DCC: variants seen among roughly 807,000 people sequenced by gnomAD.
DCC encodes netrin receptor DCC.
Under a neutral mutation model 172.5 loss-of-function variants are expected in DCC, and 58 were observed. That is an observed-to-expected ratio of 0.34 (90% CI 0.27 to 0.42). The LOEUF (loss-of-function observed/expected upper bound fraction) is 0.42, where lower values mean the gene tolerates loss of function less well. DCC is among the 10% of genes least tolerant of loss of function. DCC has a pLI of 1.00. For missense variants in DCC, 1,740 were observed against 1,791.0 expected, an observed-to-expected ratio of 0.97 and a Z score of 0.51; for synonymous variants, 709 against 644.5, an observed-to-expected ratio of 1.10 and a Z score of -1.52.
At chr18:53,349,384 G>A (rs1425160303) in intron 15 of DCC, among the ~76,000 whole-genome samples, 1 of 152,192 alleles carries the variant, frequency 6.6e-6, no homozygotes, top group Non-Finnish European at 1.5e-5. Flanking sequence ...TCTCTAGGAA[G>A]TTCCAAACGT....
At chr18:52,862,771 G>T (rs138152762) in intron 2 of DCC, among the ~76,000 whole-genome samples, 27 of 152,160 alleles carry the variant, frequency 1.8e-4, no homozygotes, top group Non-Finnish European at 2.8e-4. Flanking sequence ...ACAGAGAGGA[G>T]AATCAGGTTT....
chr18:53,454,369 TAA>T (rs1232591790), intron 23 of DCC, among the ~76,000 whole-genome samples: 1 of 152,076 alleles, frequency 6.6e-6, no homozygotes, highest in African/African-American at 2.4e-5. Context: ...AAACAAAACT[TAA>T]GTTGATTTTT....
intron 27 of DCC, among the ~76,000 whole-genome samples, chr18:53,520,590 A>T (rs1461063871): frequency 6.6e-6 from 1 of 152,020 alleles, no homozygotes; most frequent in Non-Finnish European, 1.5e-5. Context: ...TTAAGGAAAA[A>T]GCACTGCTTG....
chr18:52,422,628 C>T (rs1987286709), intron 1 of DCC, among the ~76,000 whole-genome samples: 1 of 152,118 alleles, frequency 6.6e-6, no homozygotes, highest in South Asian at 2.1e-4. Context: ...TAATATTTCT[C>T]ACATTCATTC....
At position 52,470,476 on chromosome 18, in the gene DCC, G is replaced by A. The variant is rs1476659336; in HGVS notation, c.91+129598G>A. On this transcript the variant is annotated intron_variant, in intron 1 of 28. Coordinates refer to ENST00000442544, the MANE Select transcript of DCC (RefSeq NM_005215.4). ...TCAGATCTCTTGTAACATTGAGGAA[G>A]GGATCTGAGTCTTTTCACTTAGTCT... Among the ~76,000 whole-genome samples, 3 of 152,142 alleles carry A rather than the reference G, an allele frequency of 2.0e-5. No individual in the cohort carries two copies. In the East Asian group the frequency reaches 5.8e-4, roughly 29 times the overall value.
At chr18:53,251,481 T>C (rs1432487351) in intron 12 of DCC, among the ~76,000 whole-genome samples, 1 of 151,954 alleles carries the variant, frequency 6.6e-6, no homozygotes, top group East Asian at 1.9e-4. Flanking sequence ...GATTTGTGCA[T>C]TTATATGCTA....
chr18:53,433,794 G>A (rs139538539), intron 21 of DCC, among the ~76,000 whole-genome samples: 15 of 152,106 alleles, frequency 9.9e-5, no homozygotes, highest in Admixed American at 3.3e-4. Context: ...ACACACATAG[G>A]AGCCTGCATC....
intron 7 of DCC, among the ~76,000 whole-genome samples, chr18:53,112,934 T>C (rs1255548343): frequency 2.6e-5 from 4 of 151,568 alleles, no homozygotes; most frequent in Non-Finnish European, 1.5e-5. Flanking sequence ...GGAATTAAAA[T>C]ACTGACTTAC....
At chr18:52,402,664 T>A (rs566707483) in intron 1 of DCC, among the ~76,000 whole-genome samples, 7 of 152,196 alleles carry the variant, frequency 4.6e-5, no homozygotes, top group African/African-American at 1.7e-4. Context: ...GTGTAACTAA[T>A]GAGACTATTT....
intron 1 of DCC, among the ~76,000 whole-genome samples, chr18:52,472,102 A>G (rs1245527286): frequency 3.3e-5 from 5 of 152,134 alleles, no homozygotes; most frequent in Admixed American, 6.5e-5. Context: ...ATTTCATGCC[A>G]TGCACCCTGA....
intron 2 of DCC, among the ~76,000 whole-genome samples, chr18:52,771,412 C>T (rs547795425): frequency 1.3e-4 from 20 of 152,198 alleles, no homozygotes; most frequent in Non-Finnish European, 2.5e-4. Context: ...AGCGCTTTCT[C>T]CCTTAGAGAG....
chr18:52,971,017 T>C (rs2041021983), intron 5 of DCC, among the ~76,000 whole-genome samples: 1 of 152,178 alleles, frequency 6.6e-6, no homozygotes, highest in African/African-American at 2.4e-5. Context: ...GAATTGATGC[T>C]AAATTTGTTT....
chr18:52,945,713 C>T (rs2040533632), intron 5 of DCC, among the ~76,000 whole-genome samples: 1 of 152,174 alleles, frequency 6.6e-6, no homozygotes. Flanking sequence ...GGGCAGAGAC[C>T]TCTGTGCAGT....
At chr18:52,887,997 A>G (rs1320254759) in intron 2 of DCC, among the ~76,000 whole-genome samples, 4 of 152,228 alleles carry the variant, frequency 2.6e-5, no homozygotes, top group African/African-American at 9.6e-5. Flanking sequence ...TGCACTTTCA[A>G]TTAGTAAAAT....
intron 9 of DCC, among the ~76,000 whole-genome samples, chr18:53,197,264 T>A (rs1206079555): frequency 1.3e-5 from 2 of 152,008 alleles, no homozygotes; most frequent in African/African-American, 4.8e-5. Context: ...CATTTTTAAA[T>A]ATAGGCTCAA....
rs558896492 is a variant in DCC at position 52,999,415 on chromosome 18, G to A, written c.986-63890G>A. Among the ~76,000 whole-genome samples the A allele has an allele frequency of 6.6e-5, 10 of 152,134 alleles. No homozygotes were observed. In the South Asian group the frequency reaches 1.9e-3, roughly 28 times the overall value. On this transcript the variant is annotated intron_variant, in intron 5 of 28. Coordinates refer to ENST00000442544, the MANE Select transcript of DCC (RefSeq NM_005215.4). ...TAGAATATTTTACTTCATTTGTGGA[G>A]GGATTTGTGCACCCTTTCCTGTTTA...
chr18:52,786,926 A>T (rs991267896), intron 2 of DCC, among the ~76,000 whole-genome samples: 3 of 152,124 alleles, frequency 2.0e-5, no homozygotes, highest in African/African-American at 7.2e-5. Context: ...TCCCATTGCA[A>T]AAGAAAAATG....
intron 5 of DCC, among the ~76,000 whole-genome samples, chr18:53,011,652 G>A (rs2041732632): frequency 6.6e-6 from 1 of 151,770 alleles, no homozygotes; most frequent in Non-Finnish European, 1.5e-5. Flanking sequence ...ATTTGCATAT[G>A]TTTAGAGAAA....
intron 1 of DCC, among the ~76,000 whole-genome samples, chr18:52,747,497 C>A (rs190546905): frequency 5.3e-5 from 8 of 152,154 alleles, no homozygotes; most frequent in African/African-American, 1.7e-4. Flanking sequence ...AAAATGAGTT[C>A]TTCTGTTGCC....
Sources: allele counts gnomAD v4.1 joint callset (sites outside exome capture counted in the v4.1 genomes callset), GRCh38; gene constraint gnomAD v4.1.1; transcripts MANE v1.5; gene names NCBI Gene and HGNC (gene_info 2026-07-23, HGNC 2026-07-21).